Variants in SLCO1B1 observed in about 807,000 individuals in gnomAD.
SLCO1B1 encodes solute carrier organic anion transporter family member 1B1.
SLCO1B1 carries 81 observed loss-of-function variants against 70.1 expected under a neutral mutation model. That is an observed-to-expected ratio of 1.16 (90% CI 0.97 to 1.39). The LOEUF is 1.39. SLCO1B1 is among the 40% of genes most tolerant of loss of function. The pLI is 0.00. For missense variants in SLCO1B1, 895 were observed against 799.6 expected (o/e 1.12, Z -1.44); for synonymous variants, 283 against 271.5 (o/e 1.04, Z -0.42).
At chr12:21,141,037 C>G (rs1940300794) in intron 1 of SLCO1B1, among the ~76,000 whole-genome samples, 1 of 151,646 alleles carries the variant, frequency 6.6e-6, no homozygotes, top group African/African-American at 2.4e-5. Flanking sequence ...AGTGGTGTCT[C>G]CTTTATAAAA....
intron 13 of SLCO1B1, among the ~76,000 whole-genome samples, chr12:21,223,743 A>C (rs931785802): frequency 4.2e-5 from 3 of 70,924 alleles, no homozygotes; most frequent in Non-Finnish European, 7.1e-5. Context: ...ACCACAATAC[A>C]AAAAAAAACA....
chr12:21,132,482 T>C (rs1164479169), intron 1 of SLCO1B1, among the ~76,000 whole-genome samples: 20 of 152,192 alleles, frequency 1.3e-4, no homozygotes, highest in Admixed American at 1.3e-3. Context: ...TTTCTCCACA[T>C]CCTCTCCAGC....
At chr12:21,160,821 C>A (rs1940608950) in intron 2 of SLCO1B1, among the ~76,000 whole-genome samples, 1 of 151,746 alleles carries the variant, frequency 6.6e-6, no homozygotes, top group South Asian at 2.1e-4. Flanking sequence ...AAGAGAAAAA[C>A]AAACGGCCTC....
At chr12:21,183,882 G>T (rs971867646) in intron 7 of SLCO1B1, among the ~76,000 whole-genome samples, 22 of 151,784 alleles carry the variant, frequency 1.4e-4, no homozygotes, top group African/African-American at 5.1e-4. Context: ...AAAGCTGAAA[G>T]ACATAATAGC....
intron 13 of SLCO1B1, among the ~76,000 whole-genome samples, chr12:21,222,983 C>T (rs542871698): frequency 2.0e-5 from 3 of 152,220 alleles, no homozygotes; most frequent in African/African-American, 7.2e-5. Flanking sequence ...TGGTTTTCTT[C>T]CCTCCGTTCC....
chr12:21,214,784 C>T (rs1941337823), intron 11 of SLCO1B1, among the ~76,000 whole-genome samples: 1 of 152,130 alleles, frequency 6.6e-6, no homozygotes, highest in African/African-American at 2.4e-5. Flanking sequence ...TTTTTAAGCC[C>T]CTCGGAAAAG....
chr12:21,236,534 AC>A (rs1349860836), intron 14 of SLCO1B1, among the ~76,000 whole-genome samples: 2 of 152,132 alleles, frequency 1.3e-5, no homozygotes, highest in Non-Finnish European at 2.9e-5. Flanking sequence ...CCAAATTGCC[AC>A]CAATAGCATT....
chr12:21,209,271 A>C, intron 11 of SLCO1B1, among the ~76,000 whole-genome samples: 1 of 148,702 alleles, frequency 6.7e-6, no homozygotes. Flanking sequence ...ATGTGATCTC[A>C]TTGTTCAATT....
intron 3 of SLCO1B1, 58 bp from the exon 4 acceptor site, chr12:21,174,519 C>T (rs1940794925): frequency 1.3e-6 from 2 of 1,578,696 alleles, no homozygotes; most frequent in Non-Finnish European, 8.7e-7. Context: ...CTGGGGTTTT[C>T]AATTCTAGAC....
intron 2 of SLCO1B1, among the ~76,000 whole-genome samples, chr12:21,165,065 A>T (rs1940667750): frequency 6.6e-6 from 1 of 152,236 alleles, no homozygotes; most frequent in East Asian, 1.9e-4. Flanking sequence ...TGAGTAAATC[A>T]GTTGAGTTCC....
intron 1 of SLCO1B1, among the ~76,000 whole-genome samples, chr12:21,135,636 A>G (rs1302261379): frequency 1.3e-5 from 2 of 152,154 alleles, no homozygotes; most frequent in Non-Finnish European, 2.9e-5. Flanking sequence ...AGTCTGTTTT[A>G]TCAGAGACTA....
intron 2 of SLCO1B1, among the ~76,000 whole-genome samples, chr12:21,167,603 A>G (rs1221501189): frequency 6.6e-6 from 1 of 152,142 alleles, no homozygotes; most frequent in East Asian, 1.9e-4. Context: ...ATAACATTAA[A>G]TGTACCTTTT....
chr12:21,162,279 CTA>C (rs1358171082), intron 2 of SLCO1B1, among the ~76,000 whole-genome samples: 1 of 151,872 alleles, frequency 6.6e-6, no homozygotes, highest in Non-Finnish European at 1.5e-5. Context: ...ATTTAATTGA[CTA>C]TATTTTTTTA....
At chr12:21,194,550 C>A (rs1053978792) in intron 7 of SLCO1B1, among the ~76,000 whole-genome samples, 11 of 152,216 alleles carry the variant, frequency 7.2e-5, no homozygotes, top group African/African-American at 2.2e-4. Context: ...GTCCATGTCA[C>A]GATCTGCATT....
intron 5 of SLCO1B1, 21 bp downstream of exon 5, chr12:21,176,918 TA>T: frequency 1.3e-6 from 2 of 1,517,360 alleles, no homozygotes; most frequent in Non-Finnish European, 1.8e-6. Flanking sequence ...ATATTGACAG[TA>T]AAAAGTCTTC....
At chr12:21,140,531 G>A (rs899374228) in intron 1 of SLCO1B1, among the ~76,000 whole-genome samples, 1 of 151,770 alleles carries the variant, frequency 6.6e-6, no homozygotes, top group Non-Finnish European at 1.5e-5. Context: ...TGCAGATATG[G>A]CCACATAAAA....
chr12:21,132,186 TA>T lies in SLCO1B1; in HGVS notation c.-62+951del, dbSNP rs374142234. ...TAAACTCATCATTTTTATGGCTGCA[TA>T]GTATTCCATGGTGTATGTGTGCCAC... On this transcript the variant is annotated intron_variant, in intron 1 of 14. Transcript: ENST00000256958. Among the ~76,000 whole-genome samples the T allele has an allele frequency of 6.7e-3, 1,017 of 152,344 alleles. 12 individuals are homozygous for T. The highest frequency in any genetic ancestry group is 0.023 in the African/African-American group (959 of 41,570).
At chr12:21,214,712 G>A (rs968477785) in intron 11 of SLCO1B1, among the ~76,000 whole-genome samples, 3 of 152,224 alleles carry the variant, frequency 2.0e-5, no homozygotes, top group Admixed American at 6.5e-5. Flanking sequence ...AGCAATCAGC[G>A]AGACTCCATG....
At chr12:21,170,956 C>T (rs1471457755) in intron 2 of SLCO1B1, among the ~76,000 whole-genome samples, 1 of 152,186 alleles carries the variant, frequency 6.6e-6, no homozygotes, top group African/African-American at 2.4e-5. Context: ...CTCATTATTT[C>T]TTAAGCATCT....
Sources: gnomAD v4.1 joint callset for allele counts (sites outside exome capture counted in the v4.1 genomes callset) on GRCh38, gnomAD v4.1.1 for gene constraint, MANE v1.5 for transcripts, NCBI Gene and HGNC (gene_info 2026-07-23, HGNC 2026-07-21) for gene names.